The following MED13L variants were observed in gnomAD, a reference collection of about 807,000 sequenced individuals.
MED13L encodes the protein mediator complex subunit 13L.
In MED13L, 7 loss-of-function variants were observed where a neutral mutation model predicts 220.9. The observed-to-expected ratio is 0.03, with a 90% CI of 0.02 to 0.06. The LOEUF (loss-of-function observed/expected upper bound fraction) is 0.06. Among genes scored for constraint, MED13L ranks in the 10% least tolerant of loss-of-function variants. The pLI, the probability that MED13L is intolerant of heterozygous loss-of-function variation, is 1.00. For missense variants in MED13L, 1,965 were observed against 2,760.5 expected (o/e 0.71, Z 6.46); for synonymous variants, 1,011 against 1,015.2 (o/e 1.00, Z 0.08).
At chr12:116,276,412 AG>A (rs2138613627) in intron 1 of MED13L, 2 of 1,286,960 alleles carry the variant, frequency 1.6e-6, no homozygotes. Flanking sequence ...GAGAGAAAGA[AG>A]AAAAAGCTTT....
chr12:116,139,558 G>C (rs1466518172), intron 2 of MED13L, among the ~76,000 whole-genome samples: 1 of 152,036 alleles, frequency 6.6e-6, no homozygotes, highest in African/African-American at 2.4e-5. Flanking sequence ...CCCTCTTACA[G>C]TTACCATAAA....
chr12:116,027,426 A>G (rs944413282), intron 4 of MED13L, among the ~76,000 whole-genome samples: 20 of 151,542 alleles, frequency 1.3e-4, no homozygotes, highest in African/African-American at 4.4e-4. Flanking sequence ...TCTCAAAACA[A>G]ACAAACAAAC....
chr12:116,245,792 T>C (rs1871048169), intron 1 of MED13L, among the ~76,000 whole-genome samples: 1 of 152,038 alleles, frequency 6.6e-6, no homozygotes, highest in Non-Finnish European at 1.5e-5. Flanking sequence ...ACGAGGAAGC[T>C]GAAATCCAAA....
At chr12:116,179,646 G>C (rs1233757305) in intron 2 of MED13L, among the ~76,000 whole-genome samples, 1 of 151,768 alleles carries the variant, frequency 6.6e-6, no homozygotes. Context: ...TTTCAAAGTG[G>C]TGTCAGATAA....
chr12:116,002,989 G>A lies in MED13L; in HGVS notation c.2569+14C>T. The A allele has an allele frequency of 6.2e-7, 1 of 1,604,688 alleles. No individual in the cohort carries two copies. Among genetic ancestry groups the A allele is most frequent in the Admixed American group, 1.7e-5 (1 of 59,998 alleles). Reference sequence around the variant, plus strand: ...CAGTGAGCCACAATGGCTCAGTCAAGTTTCTCTACCTACTTGGTGGATAAG... The same window carrying A: ...CAGTGAGCCACAATGGCTCAGTCAAATTTCTCTACCTACTTGGTGGATAAG... On this transcript the variant is annotated intron_variant, in intron 14 of 30. Coordinates refer to ENST00000281928, the MANE Select transcript of MED13L (RefSeq NM_015335.5).
chr12:116,217,617 AGAG>A (rs1015732969), intron 2 of MED13L, among the ~76,000 whole-genome samples: 1 of 152,256 alleles, frequency 6.6e-6, no homozygotes, highest in Non-Finnish European at 1.5e-5. Context: ...AAACACGAAC[AGAG>A]GAGAAGTACT....
intron 8 of MED13L, among the ~76,000 whole-genome samples, chr12:116,013,156 T>C (rs540251503): frequency 1.3e-5 from 2 of 152,310 alleles, no homozygotes; most frequent in African/African-American, 4.8e-5. Context: ...GCGGATTGCT[T>C]GAGTCCAGGA....
In MED13L at chr12:115,966,122, G is replaced by A. The variant is rs774432060; in HGVS notation, c.6347C>T (p.Ser2116Leu). The change falls in exon 29 of 31, where the codon TCG becomes TTG. Residue 2116 changes from serine (S) to leucine (L), a missense_variant. By Grantham distance (145) the Ser-to-Leu change is moderately radical. Transcript: ENST00000281928. ...GCACTGGTTTTGAGCCTGGGGACAC[G>A]ATGACCAAAACCACTGGGGAAGATT... ...AENLPQWFWS[S>L]CPQAQNQCPL... 24 of 1,614,000 alleles carry A rather than the reference G, an allele frequency of 1.5e-5. No homozygotes were observed. Among genetic ancestry groups the A allele is most frequent in the Non-Finnish European group, 1.9e-5 (22 of 1,180,002 alleles).
At chr12:116,216,122 C>G (rs1330287739) in intron 2 of MED13L, among the ~76,000 whole-genome samples, 1 of 152,170 alleles carries the variant, frequency 6.6e-6, no homozygotes, top group Non-Finnish European at 1.5e-5. Flanking sequence ...GACACTTTTA[C>G]TAAGCTATCT....
intron 1 of MED13L, among the ~76,000 whole-genome samples, chr12:116,259,519 A>T (rs1203563084): frequency 2.6e-5 from 4 of 152,222 alleles, no homozygotes; most frequent in African/African-American, 9.6e-5. Context: ...TTGAAGTAAG[A>T]GTTACTTCTG....
At chr12:116,145,697 A>ATTTG (rs1555216007) in intron 2 of MED13L, among the ~76,000 whole-genome samples, 15,020 of 146,866 alleles carry the variant, frequency 0.1, 1,916 homozygotes, top group African/African-American at 0.29. Context: ...TTATTTATTT[A>ATTTG]TTTATTTTAA....
chr12:116,276,940 G>T (rs1408809231), intron 1 of MED13L, 120 bp downstream of exon 1: 37 of 1,141,864 alleles, frequency 3.2e-5, no homozygotes, highest in Non-Finnish European at 4.2e-5. Context: ...GGCGAACGGC[G>T]GGGAGACGCG....
intron 4 of MED13L, among the ~76,000 whole-genome samples, chr12:116,096,160 C>A (rs140386426): frequency 6.6e-6 from 1 of 151,462 alleles, no homozygotes; most frequent in Non-Finnish European, 1.5e-5. Context: ...TCGAGACCAG[C>A]CTGGGCAACA....
At chr12:116,231,456 G>T (rs1869549162) in intron 2 of MED13L, among the ~76,000 whole-genome samples, 1 of 152,040 alleles carries the variant, frequency 6.6e-6, no homozygotes, top group African/African-American at 2.4e-5. Context: ...TATTTTACAG[G>T]ACAACTAAAC....
At chr12:116,019,466 G>C in intron 6 of MED13L, 54 bp from the exon 7 acceptor site, 1 of 1,579,066 alleles carries the variant, frequency 6.3e-7, no homozygotes, top group East Asian at 2.2e-5. Flanking sequence ...ATTCATACAA[G>C]ACTTCCAATT....
In MED13L at chr12:116,022,415, G is replaced by A. The variant is rs114742297; in HGVS notation, c.625+41C>T. 2.9e-3 allele frequency: 4,589 copies of A among 1,610,038 alleles called. 62 individuals are homozygous for A. The African/African-American group carries it at 0.034, about 12-fold the overall frequency. ...TACTGGGCAAGATGGTTATCCACTC[G>A]GTGGCGGATAGGGGTGGAGAGCAGG... On this transcript the variant is annotated intron_variant, in intron 5 of 30. Coordinates refer to ENST00000281928, the MANE Select transcript of MED13L (RefSeq NM_015335.5).
At chr12:116,145,811 G>A (rs1877456174) in intron 2 of MED13L, among the ~76,000 whole-genome samples, 1 of 151,784 alleles carries the variant, frequency 6.6e-6, no homozygotes, top group Admixed American at 6.6e-5. Context: ...AAATCTAGGT[G>A]ACAGCCACTG....
chr12:116,265,440 G>A (rs1593225898), intron 1 of MED13L, among the ~76,000 whole-genome samples: 1 of 152,164 alleles, frequency 6.6e-6, no homozygotes, highest in Non-Finnish European at 1.5e-5. Context: ...ATTATTAAAT[G>A]TAATACCATT....
At chr12:116,115,961 T>A (rs184081153) in intron 2 of MED13L, among the ~76,000 whole-genome samples, 33 of 152,346 alleles carry the variant, frequency 2.2e-4, no homozygotes, top group African/African-American at 6.3e-4. Context: ...TTTGGCGATA[T>A]TTTGTAAAGT....
Sources: gnomAD v4.1 joint callset for allele counts (sites outside exome capture counted in the v4.1 genomes callset) on GRCh38, gnomAD v4.1.1 for gene constraint, MANE v1.5 for transcripts, NCBI Gene and HGNC (gene_info 2026-07-23, HGNC 2026-07-21) for gene names.